The following NME7 variants were observed in gnomAD, a reference collection of about 807,000 sequenced individuals.
NME7 encodes the protein NME/NM23 family member 7.
A neutral mutation model predicts 49.1 loss-of-function variants in NME7; 41 were observed. That is an observed-to-expected ratio of 0.83 (90% confidence interval 0.65 to 1.08). NME7 has a LOEUF of 1.08. Among genes scored for constraint, NME7 ranks in the 50% least tolerant of loss-of-function variants. NME7 has a pLI of 0.00. For synonymous variants in NME7, 139 were observed against 150.6 expected (o/e 0.92, Z 0.56); for missense variants, 423 against 463.4 (o/e 0.91, Z 0.80).
rs773025248 is a variant in NME7, at chr1:169,136,547, C to G, written c.1099-3730G>C. 6.5e-4 allele frequency among the ~76,000 whole-genome samples: 99 copies of G among 152,110 alleles called. 1 individual carries two copies. The highest frequency in any genetic ancestry group is 9.4e-4 in the Non-Finnish European group (64 of 68,024). ...GGGGAGTGTCCAAACACACTAGGTCCTCATGAAATTTTTACTTTTGTACTT... is the reference window on the plus strand; with the variant it reads ...GGGGAGTGTCCAAACACACTAGGTCGTCATGAAATTTTTACTTTTGTACTT... On this transcript the variant is annotated intron_variant, in intron 11 of 11. Coordinates refer to ENST00000367811, the MANE Select transcript of NME7 (RefSeq NM_013330.5).
intron 10 of NME7, among the ~76,000 whole-genome samples, chr1:169,217,967 C>T (rs1026721549): frequency 2.0e-5 from 3 of 152,128 alleles, no homozygotes; most frequent in Admixed American, 6.5e-5. Flanking sequence ...CACACCACCA[C>T]CACCCAAAGC....
At chr1:169,226,389 T>C (rs957069124) in intron 10 of NME7, among the ~76,000 whole-genome samples, 2 of 152,056 alleles carry the variant, frequency 1.3e-5, no homozygotes, top group Admixed American at 1.3e-4. Context: ...TCAATATCCA[T>C]TTGTTGGCGA....
At chr1:169,338,685 CATCTCAAAGAA>C (rs1286617879) in intron 1 of NME7, among the ~76,000 whole-genome samples, 3 of 152,184 alleles carry the variant, frequency 2.0e-5, no homozygotes, top group Non-Finnish European at 2.9e-5. Context: ...TTCCTTTAGA[CATCTCAAAGAA>C]AACACAGTTA....
chr1:169,179,434 T>G (rs1455067403), intron 10 of NME7, among the ~76,000 whole-genome samples: 1 of 152,172 alleles, frequency 6.6e-6, no homozygotes, highest in Non-Finnish European at 1.5e-5. Flanking sequence ...GAAATACCGT[T>G]TGACCCAGCA....
At chr1:169,314,528 G>A (rs1310432145) in intron 3 of NME7, among the ~76,000 whole-genome samples, 1 of 152,014 alleles carries the variant, frequency 6.6e-6, no homozygotes, top group Non-Finnish European at 1.5e-5. Context: ...AGAAAGCTCA[G>A]GATAAGATGT....
rs144390206 is a variant in NME7 at position 169,235,140 on chromosome 1, G to A, written c.879C>T (p.Thr293=). 69 of 1,508,068 alleles carry A rather than the reference G, an allele frequency of 4.6e-5. No individual in the cohort carries two copies. Among genetic ancestry groups the A allele is most frequent in the Admixed American group, 2.5e-4 (14 of 55,938 alleles). The allele number at this position is 1,508,068 out of a possible 1,614,324, so 93.4% of individuals were successfully genotyped here. The change falls in exon 9 of 12, where the codon ACC becomes ACT. Residue 293 remains threonine, a synonymous_variant. Coordinates refer to ENST00000367811, the MANE Select transcript of NME7 (RefSeq NM_013330.5). ...EFYEVYKGVV[T]EYHDMVTEMY... ...TTACTTTTATACTTACATGATATTC[G>A]GTCACTACTCCTTTATAAACTTCAT...
intron 7 of NME7, among the ~76,000 whole-genome samples, chr1:169,278,406 A>C (rs1649841294): frequency 6.6e-6 from 1 of 151,808 alleles, no homozygotes; most frequent in African/African-American, 2.4e-5. Flanking sequence ...TTTTCTCTCT[A>C]AACTTCCCTT....
At chr1:169,177,074 G>C (rs1659775785) in intron 10 of NME7, among the ~76,000 whole-genome samples, 1 of 152,054 alleles carries the variant, frequency 6.6e-6, no homozygotes, top group Admixed American at 6.6e-5. Context: ...CCCCGCAAAA[G>C]AATCGTTCCA....
At chr1:169,320,589 A>G (rs1405220082) in intron 3 of NME7, among the ~76,000 whole-genome samples, 1 of 152,194 alleles carries the variant, frequency 6.6e-6, no homozygotes, top group East Asian at 1.9e-4. Context: ...ATATTTCCAT[A>G]TGCTTACTTT....
chr1:169,316,221 C>CA (rs150804701), intron 3 of NME7, among the ~76,000 whole-genome samples: 1 of 151,390 alleles, frequency 6.6e-6, no homozygotes, highest in African/African-American at 2.4e-5. Context: ...AACATGCAGG[C>CA]AAAAAAACTG....
chr1:169,275,335 C>T lies in NME7; in HGVS notation c.754+11968G>A, dbSNP rs35509277. Among the ~76,000 whole-genome samples the T allele has an allele frequency of 0.073, 9,465 of 128,840 alleles. 2,756 individuals carry two copies. In the East Asian group the frequency reaches 0.75, roughly 10 times the overall value. 84.5% of individuals were successfully genotyped at this position (128,840 alleles called of 152,430 possible). On this transcript the variant is annotated intron_variant, in intron 7 of 11. Transcript: ENST00000367811. Reference sequence around the variant, plus strand: ...TACTAAAAAAAATACAAAAATTAGCCGGGCATGGTGGCGCGTGCCTGTAGT... The same window carrying T: ...TACTAAAAAAAATACAAAAATTAGCTGGGCATGGTGGCGCGTGCCTGTAGT...
Position 169,214,216 on chromosome 1 carries a change from T to C in NME7, c.990+16502A>G, listed in dbSNP as rs560313734. On this transcript the variant is annotated intron_variant, in intron 10 of 11. Coordinates refer to ENST00000367811, the MANE Select transcript of NME7 (RefSeq NM_013330.5). ...TGGTTTGGAAAGGGAGCTTATATCA[T>C]GGATTAAAATTAGATGAGTAGACAT... 4.6e-5 allele frequency among the ~76,000 whole-genome samples: 7 copies of C among 152,350 alleles called. No homozygotes were observed. The South Asian group carries it at 8.3e-4, about 18-fold the overall frequency.
intron 3 of NME7, among the ~76,000 whole-genome samples, chr1:169,321,919 C>T (rs1043220510): frequency 6.7e-6 from 1 of 148,920 alleles, no homozygotes; most frequent in Non-Finnish European, 1.5e-5. Context: ...ATTTTAATTA[C>T]AGCACCAATC....
intron 10 of NME7, among the ~76,000 whole-genome samples, chr1:169,185,778 G>A (rs1218674654): frequency 1.3e-5 from 2 of 152,112 alleles, no homozygotes; most frequent in African/African-American, 4.8e-5. Flanking sequence ...ACAGTGCCAA[G>A]TACATAATAG....
intron 3 of NME7, among the ~76,000 whole-genome samples, chr1:169,316,709 G>T (rs1466337734): frequency 6.6e-6 from 1 of 152,132 alleles, no homozygotes; most frequent in African/African-American, 2.4e-5. Flanking sequence ...ATGGAGAAAG[G>T]TGGCCCCAAA....
At chr1:169,267,705 C>T (rs1330902455) in intron 7 of NME7, among the ~76,000 whole-genome samples, 2 of 133,356 alleles carry the variant, frequency 1.5e-5, no homozygotes, top group African/African-American at 5.1e-5. Flanking sequence ...TCTGGGATAA[C>T]GGGCTAGCTA....
intron 11 of NME7, among the ~76,000 whole-genome samples, chr1:169,146,377 G>A (rs2101815942): frequency 6.6e-6 from 1 of 152,252 alleles, no homozygotes; most frequent in South Asian, 2.1e-4. Context: ...TATAAATTAA[G>A]CAAAAATGAA....
chr1:169,167,560 A>AT (rs1659453246), intron 11 of NME7, among the ~76,000 whole-genome samples: 1 of 152,132 alleles, frequency 6.6e-6, no homozygotes, highest in Admixed American at 6.5e-5. Flanking sequence ...TCCTTCTTGG[A>AT]TTTTGGCCTA....
At chr1:169,135,337 T>C (rs1658398973) in intron 11 of NME7, among the ~76,000 whole-genome samples, 1 of 152,178 alleles carries the variant, frequency 6.6e-6, no homozygotes, top group Non-Finnish European at 1.5e-5. Context: ...AAAGTTCCGT[T>C]ATGAGAACCT....
Sources: gnomAD v4.1 joint callset for allele counts (sites outside exome capture counted in the v4.1 genomes callset) on GRCh38, gnomAD v4.1.1 for gene constraint, MANE v1.5 for transcripts, NCBI Gene and HGNC (gene_info 2026-07-23, HGNC 2026-07-21) for gene names.